The following CEP112 variants were observed in gnomAD, a reference collection of about 807,000 sequenced individuals.
CEP112 encodes centrosomal protein of 112 kDa.
CEP112 carries 127 observed loss-of-function variants against 153.0 expected under a neutral mutation model. That is an observed-to-expected ratio of 0.83 (90% CI 0.72 to 0.96). CEP112 has a LOEUF of 0.96. Among genes scored for constraint, CEP112 ranks in the 40% least tolerant of loss-of-function variants. The pLI is 0.00. For synonymous variants in CEP112, 358 were observed against 374.4 expected (o/e 0.96, Z 0.51); for missense variants, 1,089 against 1,101.2 (o/e 0.99, Z 0.16).
chr17:66,002,308 A>G (rs2064093102), intron 17 of CEP112, among the ~76,000 whole-genome samples: 2 of 152,210 alleles, frequency 1.3e-5, no homozygotes, highest in African/African-American at 4.8e-5. Context: ...CAACTTTTCC[A>G]TTAACATCTC....
In CEP112 at chr17:66,147,385, G is replaced by A. The variant is rs1320620682; in HGVS notation, c.471-14622C>T. On this transcript the variant is annotated intron_variant, in intron 4 of 26. Coordinates refer to ENST00000535342, the MANE Select transcript of CEP112 (RefSeq NM_001199165.4). ...GTTGAGATGAGTTCTTTACATATTC[G>A]GGATATTAACCCCTTTTCAAATATA... Among the ~76,000 whole-genome samples the A allele has an allele frequency of 6.6e-5, 10 of 151,536 alleles. No homozygotes were observed. In the East Asian group the frequency reaches 1.4e-3, roughly 20 times the overall value.
chr17:66,182,405 G>A (rs1259017949), intron 2 of CEP112: 1 of 152,138 alleles, frequency 6.6e-6, no homozygotes, highest in Non-Finnish European at 1.5e-5. Context: ...GATTAAGGGG[G>A]ATTGCTATAT....
chr17:65,843,800 G>A (rs748078186), intron 21 of CEP112, among the ~76,000 whole-genome samples: 3 of 152,078 alleles, frequency 2.0e-5, no homozygotes, highest in African/African-American at 4.8e-5. Context: ...TGTAGAAAAC[G>A]TTTGATGTGT....
chr17:65,950,823 G>A (rs910315967), intron 18 of CEP112, among the ~76,000 whole-genome samples: 4 of 151,966 alleles, frequency 2.6e-5, no homozygotes, highest in African/African-American at 7.2e-5. Flanking sequence ...CTTGTTCTTA[G>A]GAGGAAAAGA....
At chr17:65,978,566 A>G (rs2063118913) in intron 17 of CEP112, among the ~76,000 whole-genome samples, 1 of 152,266 alleles carries the variant, frequency 6.6e-6, no homozygotes, top group Non-Finnish European at 1.5e-5. Flanking sequence ...GAGGATAAAT[A>G]TATTAAAACC....
intron 24 of CEP112, among the ~76,000 whole-genome samples, chr17:65,645,785 C>T (rs1359222936): frequency 6.6e-6 from 1 of 152,208 alleles, no homozygotes; most frequent in African/African-American, 2.4e-5. Context: ...CTTCTCCTCT[C>T]TTTTAATCCA....
chr17:65,668,235 T>C (rs1567836676), intron 24 of CEP112, among the ~76,000 whole-genome samples: 1 of 152,138 alleles, frequency 6.6e-6, no homozygotes. Context: ...TCCATTTCAA[T>C]AAACTATAAG....
chr17:65,911,175 T>C (rs61708184), intron 19 of CEP112, among the ~76,000 whole-genome samples: 54,732 of 152,112 alleles, frequency 0.36, 11,709 homozygotes, highest in Non-Finnish European at 0.5. Flanking sequence ...TAGTCAATAA[T>C]AGATCAAAAT....
At chr17:65,972,413 T>C (rs1424982013) in intron 17 of CEP112, among the ~76,000 whole-genome samples, 2 of 152,194 alleles carry the variant, frequency 1.3e-5, no homozygotes, top group Admixed American at 1.3e-4. Flanking sequence ...GGAAACTTTA[T>C]AGAATTAAAC....
intron 21 of CEP112, among the ~76,000 whole-genome samples, chr17:65,802,924 T>C (rs2055367261): frequency 6.6e-6 from 1 of 152,226 alleles, no homozygotes. Flanking sequence ...CTCTTGAATG[T>C]GGGAAGACCT....
chr17:66,111,685 C>A (rs2069053949), intron 6 of CEP112, among the ~76,000 whole-genome samples: 1 of 151,730 alleles, frequency 6.6e-6, no homozygotes. Context: ...GAGAAAGAAA[C>A]AACGGACACT....
At position 66,135,995 on chromosome 17, in the gene CEP112, A is replaced by G. The variant is rs184666006; in HGVS notation, c.471-3232T>C. Among the ~76,000 whole-genome samples the G allele has an allele frequency of 3.0e-3, 456 of 152,300 alleles. 2 individuals are homozygous for G. The highest frequency in any genetic ancestry group is 6.8e-3 in the South Asian group (33 of 4,820). ...GGACACATAAATTCAACAACAATAC[A>G]TAGACCAAAATTTCCTTTGTGAGAC... On this transcript the variant is annotated intron_variant, in intron 4 of 26. Transcript: ENST00000535342.
At chr17:65,821,521 T>TATATAC (rs2056561746) in intron 21 of CEP112, among the ~76,000 whole-genome samples, 1 of 23,504 alleles carries the variant, frequency 4.3e-5, no homozygotes, top group Non-Finnish European at 8.9e-5. Flanking sequence ...TAATTATATA[T>TATATAC]ATATATATAT....
chr17:65,983,338 C>T (rs2319109), intron 17 of CEP112, among the ~76,000 whole-genome samples: 72,371 of 152,080 alleles, frequency 0.48, 18,274 homozygotes, highest in East Asian at 0.89. Context: ...AAAGACCGCA[C>T]GCCCGCCATG....
chr17:65,821,935 T>A (rs999447500), intron 21 of CEP112, among the ~76,000 whole-genome samples: 2 of 152,044 alleles, frequency 1.3e-5, no homozygotes, highest in Non-Finnish European at 1.5e-5. Flanking sequence ...AAAGCTTTTT[T>A]AAAACCAATT....
At chr17:65,964,669 C>T (rs866905971) in intron 17 of CEP112, among the ~76,000 whole-genome samples, 8 of 149,162 alleles carry the variant, frequency 5.4e-5, no homozygotes, top group Admixed American at 1.4e-4. Flanking sequence ...ATTCTGAGAG[C>T]AAGCTCAGAG....
intron 18 of CEP112, among the ~76,000 whole-genome samples, chr17:65,938,563 A>C (rs893522382): frequency 6.6e-6 from 1 of 152,192 alleles, no homozygotes; most frequent in Non-Finnish European, 1.5e-5. Flanking sequence ...GTCCACACTT[A>C]TTTTCAACAT....
At chr17:65,650,708 C>A in intron 24 of CEP112, among the ~76,000 whole-genome samples, 2 of 129,902 alleles carry the variant, frequency 1.5e-5, no homozygotes. Flanking sequence ...CCAGCCTAGC[C>A]AACATGGTGA....
intron 8 of CEP112, among the ~76,000 whole-genome samples, chr17:66,082,859 T>G (rs2067776634): frequency 6.6e-6 from 1 of 151,690 alleles, no homozygotes; most frequent in Non-Finnish European, 1.5e-5. Flanking sequence ...AATATTAATA[T>G]TAATATTAAT....
Sources: gnomAD v4.1 joint callset for allele counts (sites outside exome capture counted in the v4.1 genomes callset) on GRCh38, gnomAD v4.1.1 for gene constraint, MANE v1.5 for transcripts, NCBI Gene and HGNC (gene_info 2026-07-23, HGNC 2026-07-21) for gene names.